PDE6D: variants seen among roughly 807,000 people sequenced by gnomAD.
The protein encoded by PDE6D is phosphodiesterase 6D.
A neutral mutation model predicts 21.9 loss-of-function variants in PDE6D; 10 were observed. The observed-to-expected ratio is 0.46, with a 90% CI of 0.28 to 0.78. The LOEUF (loss-of-function observed/expected upper bound fraction) is 0.78. PDE6D is among the 30% of genes least tolerant of loss of function. The pLI is 0.12. For synonymous variants in PDE6D, 59 were observed against 63.5 expected, an observed-to-expected ratio of 0.93 and a Z score of 0.34; for missense variants, 139 against 184.8, an observed-to-expected ratio of 0.75 and a Z score of 1.44.
In PDE6D at chr2:231,744,434, C is replaced by CTT. The variant is rs71396691; in HGVS notation, c.51-5248_51-5247dup. Reference sequence around the variant, plus strand: ...CCAGGTTAAGGACTTAATTGCTTTTCTTTTTTTTTTTTTTTTGGAGACAGA... The same window carrying CTT: ...CCAGGTTAAGGACTTAATTGCTTTTCTTTTTTTTTTTTTTTTTTGGAGACAGA... On this transcript the variant is annotated intron_variant, in intron 1 of 4. Coordinates refer to ENST00000287600, the MANE Select transcript of PDE6D (RefSeq NM_002601.4). 7.3e-4 allele frequency among the ~76,000 whole-genome samples: 99 copies of CTT among 136,210 alleles called. 1 individual carries two copies. Among genetic ancestry groups the CTT allele is most frequent in the South Asian group, 5.7e-3 (24 of 4,208 alleles). 89.4% of individuals were successfully genotyped at this position (136,210 alleles called of 152,430 possible). A position where few individuals can be genotyped will look rare whatever the true frequency, so the allele number is the denominator to read the frequency against.
intron 1 of PDE6D, among the ~76,000 whole-genome samples, chr2:231,754,531 T>A (rs1251672101): frequency 6.6e-6 from 1 of 150,588 alleles, no homozygotes; most frequent in Non-Finnish European, 1.5e-5. Context: ...TAATTTTTTT[T>A]TTTTTTTTTT....
chr2:231,753,343 G>A (rs1164065157), intron 1 of PDE6D, among the ~76,000 whole-genome samples: 1 of 149,992 alleles, frequency 6.7e-6, no homozygotes, highest in Admixed American at 6.6e-5. Context: ...CTAACACAGT[G>A]AAACCCCGTC....
Position 231,781,079 on chromosome 2 carries a change from C to G in PDE6D, c.36G>C (p.Leu12=). The G allele has an allele frequency of 1.9e-6, 3 of 1,613,484 alleles. No homozygotes were observed. Among genetic ancestry groups the G allele is most frequent in the Non-Finnish European group, 2.5e-6 (3 of 1,179,740 alleles). ...CGGACGGATACAGTTTGAAGCCCCT[C>G]AGGATCTCCCTGGCCCGCTCGTCCT... is the stretch of plus-strand genomic sequence containing the variant. The part of the protein sequence containing the change: ...SAKDERAREI[L]RGFKLNWMNL... Residue 12 remains leucine, a synonymous_variant, in exon 1 of 5, where the codon CTG becomes CTC. Transcript: ENST00000287600.
chr2:231,743,186 G>A (rs1317143558), intron 1 of PDE6D, among the ~76,000 whole-genome samples: 2 of 152,028 alleles, frequency 1.3e-5, no homozygotes, highest in African/African-American at 4.8e-5. Flanking sequence ...AGCACTTTTG[G>A]AGGCCGAGGC....
intron 1 of PDE6D, among the ~76,000 whole-genome samples, chr2:231,775,005 T>G (rs2049043723): frequency 6.6e-6 from 1 of 151,950 alleles, no homozygotes; most frequent in Non-Finnish European, 1.5e-5. Flanking sequence ...CTCTGCCTCC[T>G]GGGTTCAAGC....
rs1283285862 is a variant in PDE6D at position 231,739,636 on chromosome 2, TG to T, written c.51-449del. On this transcript the variant is annotated intron_variant, in intron 1 of 4. Coordinates refer to ENST00000287600, the MANE Select transcript of PDE6D (RefSeq NM_002601.4). This position sits in a 1 kb window ranked among gnomAD's most constrained non-coding sequence, Gnocchi z 4.2. ...CAAATTGCTTTGTAGTGGCCCCCTC[TG>T]TTTTTTTTTTTTGAAACAGAGTCTC... Among the ~76,000 whole-genome samples, 6 of 128,656 alleles carry T rather than the reference TG, an allele frequency of 4.7e-5. No homozygotes were observed. Among genetic ancestry groups the T allele is most frequent in the Non-Finnish European group, 6.6e-5 (4 of 60,620 alleles). The allele number at this position is 128,656 out of a possible 152,430, so 84.4% of individuals were successfully genotyped here.
intron 1 of PDE6D, among the ~76,000 whole-genome samples, chr2:231,741,140 G>C (rs1406608629): frequency 2.1e-4 from 30 of 143,456 alleles, no homozygotes; most frequent in Admixed American, 6.2e-4. Flanking sequence ...AAAAAAAAAG[G>C]GTGTAGCAAA....
At chr2:231,768,962 G>A (rs1020527875) in intron 1 of PDE6D, among the ~76,000 whole-genome samples, 2 of 152,006 alleles carry the variant, frequency 1.3e-5, no homozygotes, top group African/African-American at 4.8e-5. Context: ...TCCGCCTCCT[G>A]GGTTTAAGCG....
rs890577100 is a variant in PDE6D, at chr2:231,775,840, A to G, written c.50+5225T>C. On this transcript the variant is annotated intron_variant, in intron 1 of 4. Transcript: ENST00000287600. ...GGAGACAATAAGCCAATATTAAAAAAAAGCTACATTACTACTCTGTATCTT... is the reference window on the plus strand; with the variant it reads ...GGAGACAATAAGCCAATATTAAAAAGAAGCTACATTACTACTCTGTATCTT... 5.9e-5 allele frequency among the ~76,000 whole-genome samples: 9 copies of G among 152,334 alleles called. No individual in the cohort carries two copies. The East Asian group carries it at 1.7e-3, about 29-fold the overall frequency.
At chr2:231,756,403 T>C (rs1407155869) in intron 1 of PDE6D, among the ~76,000 whole-genome samples, 1 of 152,204 alleles carries the variant, frequency 6.6e-6, no homozygotes, top group Admixed American at 6.5e-5. Context: ...TAAGAGATAT[T>C]GGTTGTCCTG....
Position 231,781,277 on chromosome 2 carries a change from T to C in PDE6D, c.-163A>G. ...CCTCTCTCTCCCCTCAGCTCCCGCT[T>C]CTGATCCCTTCTCCTTCCCCCTAGC... On this transcript the variant is annotated 5_prime_UTR_variant, in exon 1 of 5. Transcript: ENST00000287600. The C allele has an allele frequency of 1.6e-6, 1 of 629,964 alleles. No homozygotes were observed. 39.0% of individuals were successfully genotyped at this position (629,964 alleles called of 1,614,324 possible).
chr2:231,763,347 C>A (rs1429100866), intron 1 of PDE6D, among the ~76,000 whole-genome samples: 2 of 152,122 alleles, frequency 1.3e-5, no homozygotes, highest in Non-Finnish European at 2.9e-5. Context: ...AGCCTCTATT[C>A]TCCTTTTTTC....
chr2:231,736,809 T>C (rs1559307689), intron 4 of PDE6D, among the ~76,000 whole-genome samples: 4 of 152,230 alleles, frequency 2.6e-5, no homozygotes, highest in Admixed American at 2.6e-4. Flanking sequence ...TCTCCTTCCA[T>C]GTCATCACAT....
rs1484880069 is a variant in PDE6D at position 231,732,658 on chromosome 2, G to A, written c.*294C>T. On this transcript the variant is annotated 3_prime_UTR_variant, in exon 5 of 5. Transcript: ENST00000287600. ...AAGGAGGGTGACAGGTACAGTTACC[G>A]GTTTGTGGTATGTGTTTGTTCCCTG... The A allele has an allele frequency of 4.1e-6, 1 of 244,558 alleles. No individual in the cohort carries two copies. Among genetic ancestry groups the A allele is most frequent in the Non-Finnish European group, 7.8e-6 (1 of 127,420 alleles). 15.1% of individuals were successfully genotyped at this position (244,558 alleles called of 1,614,324 possible). A position where few individuals can be genotyped will look rare whatever the true frequency, so the allele number is the denominator to read the frequency against.
At chr2:231,773,828 T>C (rs1322307516) in intron 1 of PDE6D, among the ~76,000 whole-genome samples, 4 of 152,184 alleles carry the variant, frequency 2.6e-5, no homozygotes, top group Admixed American at 2.0e-4. Flanking sequence ...AGAGGCAAAA[T>C]GGAAATACGA....
intron 1 of PDE6D, among the ~76,000 whole-genome samples, chr2:231,745,248 A>G (rs838445): frequency 0.33 from 50,317 of 151,422 alleles, 8,837 homozygotes; most frequent in African/African-American, 0.44. Context: ...AACCGAGGAA[A>G]CATTTGGCTA....
At chr2:231,752,552 T>A (rs2048848411) in intron 1 of PDE6D, among the ~76,000 whole-genome samples, 1 of 152,198 alleles carries the variant, frequency 6.6e-6, no homozygotes, top group Non-Finnish European at 1.5e-5. Flanking sequence ...GCATATATTA[T>A]TATCTTATTC....
chr2:231,748,398 T>C (rs201952709), intron 1 of PDE6D, among the ~76,000 whole-genome samples: 1 of 152,152 alleles, frequency 6.6e-6, no homozygotes, highest in East Asian at 1.9e-4. Context: ...GAGAGAGATT[T>C]AGGGTATCTG....
At chr2:231,780,006 G>A (rs13388804) in intron 1 of PDE6D, among the ~76,000 whole-genome samples, 9,559 of 152,246 alleles carry the variant, frequency 0.063, 930 homozygotes, top group African/African-American at 0.21. Context: ...ATTTAAGAAC[G>A]TTCGTACTAT....
Sources: allele counts gnomAD v4.1 joint callset (sites outside exome capture counted in the v4.1 genomes callset), GRCh38; gene constraint gnomAD v4.1.1; non-coding constraint Gnocchi (gnomAD v3.1); transcripts MANE v1.5; gene names NCBI Gene and HGNC (gene_info 2026-07-23, HGNC 2026-07-21).